XRCC4: variants seen among roughly 807,000 people sequenced by gnomAD.
XRCC4 encodes X-ray repair cross complementing 4.
Under a neutral mutation model 39.1 loss-of-function variants are expected in XRCC4, and 28 were observed. That is an observed-to-expected ratio of 0.72 (90% CI 0.53 to 0.98). The LOEUF is 0.98. XRCC4 is among the 50% of genes least tolerant of loss of function. The probability of loss-of-function intolerance (pLI) is 0.00; values close to 1 mark genes in which losing one functional copy is unlikely to be tolerated. For missense variants in XRCC4, 350 were observed against 376.4 expected, an observed-to-expected ratio of 0.93 and a Z score of 0.58; for synonymous variants, 123 against 126.4, an observed-to-expected ratio of 0.97 and a Z score of 0.18.
In XRCC4 at chr5:83,289,390, A is replaced by G. The variant is rs79036495; in HGVS notation, c.893+30713A>G. ...TAGGAACTGAAGAGAATAGACTTTT[A>G]GTGTGAAGATGTTCATTTGGGTAAG... On this transcript the variant is annotated intron_variant, in intron 7 of 7. Coordinates refer to ENST00000396027, the MANE Select transcript of XRCC4 (RefSeq NM_003401.5). Among the ~76,000 whole-genome samples, 261 of 152,008 alleles carry G rather than the reference A, an allele frequency of 1.7e-3. 2 individuals carry two copies. The highest frequency in any genetic ancestry group is 6.0e-3 in the African/African-American group (251 of 41,514).
chr5:83,163,544 A>G (rs573325330), intron 3 of XRCC4, among the ~76,000 whole-genome samples: 1 of 152,332 alleles, frequency 6.6e-6, no homozygotes, highest in South Asian at 2.1e-4. Flanking sequence ...ATTTAGATAA[A>G]TTCAGGGAGA....
chr5:83,170,231 G>A, intron 3 of XRCC4, among the ~76,000 whole-genome samples: 1 of 133,782 alleles, frequency 7.5e-6, no homozygotes, highest in East Asian at 2.0e-4. Context: ...GTTCAAAGGT[G>A]CTTACTCTAA....
intron 6 of XRCC4, among the ~76,000 whole-genome samples, chr5:83,255,648 T>TA (rs1753509607): frequency 6.6e-6 from 1 of 152,176 alleles, no homozygotes; most frequent in African/African-American, 2.4e-5. Flanking sequence ...TTGCCACACA[T>TA]ACGATTATTA....
intron 3 of XRCC4, among the ~76,000 whole-genome samples, chr5:83,152,994 A>G (rs1175698894): frequency 1.3e-5 from 2 of 152,148 alleles, no homozygotes; most frequent in Non-Finnish European, 2.9e-5. Context: ...CAAAGTCACA[A>G]ATACGTTTCT....
At chr5:83,161,616 ATTTG>A (rs2112585726) in intron 3 of XRCC4, among the ~76,000 whole-genome samples, 1 of 152,270 alleles carries the variant, frequency 6.6e-6, no homozygotes, top group Admixed American at 6.5e-5. Flanking sequence ...ACATTTGGCC[ATTTG>A]TTTGTAGATG....
intron 7 of XRCC4, among the ~76,000 whole-genome samples, chr5:83,305,630 A>G (rs1466080547): frequency 6.6e-6 from 1 of 152,168 alleles, no homozygotes; most frequent in African/African-American, 2.4e-5. Flanking sequence ...TTAGATATAA[A>G]ATTGGTAAAA....
chr5:83,101,099 T>C (rs761082595), intron 1 of XRCC4, among the ~76,000 whole-genome samples: 1 of 152,040 alleles, frequency 6.6e-6, no homozygotes, highest in Non-Finnish European at 1.5e-5. Context: ...CTTTATAATG[T>C]TTTTTTAAAG....
At chr5:83,287,699 TG>T (rs536379095) in intron 7 of XRCC4, among the ~76,000 whole-genome samples, 169 of 152,084 alleles carry the variant, frequency 1.1e-3, no homozygotes, top group African/African-American at 3.9e-3. Flanking sequence ...ATATTTTAAA[TG>T]AATGAATAAA....
At chr5:83,174,936 C>T (rs990443531) in intron 3 of XRCC4, among the ~76,000 whole-genome samples, 1 of 152,152 alleles carries the variant, frequency 6.6e-6, no homozygotes, top group African/African-American at 2.4e-5. Flanking sequence ...AGGCCTTATA[C>T]TACTACTCTC....
intron 1 of XRCC4, among the ~76,000 whole-genome samples, chr5:83,092,104 A>G (rs1193243197): frequency 1.3e-5 from 2 of 152,098 alleles, no homozygotes; most frequent in African/African-American, 4.8e-5. Context: ...CTCCCTAATG[A>G]TTAGTGATGG....
chr5:83,268,401 G>T (rs1754028432), intron 7 of XRCC4, among the ~76,000 whole-genome samples: 1 of 152,078 alleles, frequency 6.6e-6, no homozygotes. Flanking sequence ...CCTTTTCCAT[G>T]CTGCTATATT....
intron 6 of XRCC4, among the ~76,000 whole-genome samples, chr5:83,241,175 G>A (rs1452296363): frequency 6.6e-6 from 1 of 151,486 alleles, no homozygotes; most frequent in African/African-American, 2.4e-5. Flanking sequence ...TCCAGGTGGT[G>A]GAGGTTGCAG....
In XRCC4 at chr5:83,161,329, AC is replaced by A. The variant is rs1221569711; in HGVS notation, c.316-34439del. On this transcript the variant is annotated intron_variant, in intron 3 of 7. Transcript: ENST00000396027. ...GTATTTTTAGTAGAGACAGAGTTTC[AC>A]CTTGTTGGCCAGGCTGTTCGTGAAC... 2.6e-5 allele frequency among the ~76,000 whole-genome samples: 4 copies of A among 152,152 alleles called. No individual in the cohort carries two copies. The East Asian group carries it at 7.7e-4, about 29-fold the overall frequency.
At chr5:83,311,243 A>G (rs1351120899) in intron 7 of XRCC4, among the ~76,000 whole-genome samples, 1 of 152,158 alleles carries the variant, frequency 6.6e-6, no homozygotes, top group Non-Finnish European at 1.5e-5. Context: ...AGGTTGATTG[A>G]TGGGTACAAG....
At chr5:83,279,155 A>G (rs1158365786) in intron 7 of XRCC4, among the ~76,000 whole-genome samples, 1 of 149,756 alleles carries the variant, frequency 6.7e-6, no homozygotes, top group African/African-American at 2.4e-5. Flanking sequence ...AATACACACA[A>G]TAAATTGAAA....
chr5:83,265,240 A>G lies in XRCC4; in HGVS notation c.893+6563A>G, dbSNP rs1180102185. Reference sequence around the variant, plus strand: ...TTTGTAGATTTTTGGTACCTGAACTATAGACTTTTTAAATGTCAAATTAGG... The same window carrying G: ...TTTGTAGATTTTTGGTACCTGAACTGTAGACTTTTTAAATGTCAAATTAGG... On this transcript the variant is annotated intron_variant, in intron 7 of 7. Coordinates refer to ENST00000396027, the MANE Select transcript of XRCC4 (RefSeq NM_003401.5). Among the ~76,000 whole-genome samples, 369 of 152,296 alleles carry G rather than the reference A, an allele frequency of 2.4e-3. 1 individual carries two copies. Among genetic ancestry groups the G allele is most frequent in the African/African-American group, 8.5e-3 (355 of 41,564 alleles).
At chr5:83,183,348 G>A (rs1750285632) in intron 3 of XRCC4, among the ~76,000 whole-genome samples, 1 of 149,152 alleles carries the variant, frequency 6.7e-6, no homozygotes, top group African/African-American at 2.5e-5. Flanking sequence ...CTAACTCTAC[G>A]GTGTCAATTT....
chr5:83,265,981 C>T (rs962490800), intron 7 of XRCC4, among the ~76,000 whole-genome samples: 6 of 151,908 alleles, frequency 3.9e-5, no homozygotes, highest in African/African-American at 1.5e-4. Context: ...TTATAGGAGA[C>T]TTTTATAATC....
intron 3 of XRCC4, among the ~76,000 whole-genome samples, chr5:83,151,696 C>A (rs951286023): frequency 1.3e-5 from 2 of 152,006 alleles, no homozygotes; most frequent in African/African-American, 4.8e-5. Flanking sequence ...TTTTCCATTG[C>A]CCTCACCAAT....
Sources: gnomAD v4.1 joint callset for allele counts (sites outside exome capture counted in the v4.1 genomes callset) on GRCh38, gnomAD v4.1.1 for gene constraint, MANE v1.5 for transcripts, NCBI Gene and HGNC (gene_info 2026-07-23, HGNC 2026-07-21) for gene names.